The following KCNK10 variants were observed in gnomAD, a reference collection of about 807,000 sequenced individuals.
KCNK10 encodes the protein potassium two pore domain channel subfamily K member 10, also known as potassium channel subfamily K member 10.
A neutral mutation model predicts 47.7 loss-of-function variants in KCNK10; 25 were observed. The observed-to-expected ratio is 0.52, with a 90% CI of 0.38 to 0.73. KCNK10 has a LOEUF of 0.73. Among genes scored for constraint, KCNK10 ranks in the 30% least tolerant of loss-of-function variants. The pLI is 0.00. For synonymous variants in KCNK10, 303 were observed against 285.6 expected (o/e 1.06, Z -0.61); for missense variants, 563 against 714.5 (o/e 0.79, Z 2.42).
At chr14:88,239,756 G>T (rs1886398983) in intron 3 of KCNK10, among the ~76,000 whole-genome samples, 1 of 152,072 alleles carries the variant, frequency 6.6e-6, no homozygotes, top group Non-Finnish European at 1.5e-5. Context: ...CTACTCAGGA[G>T]AATGAGGCAA....
In KCNK10 at chr14:88,185,430, A is replaced by G. The variant is rs1173563146; in HGVS notation, c.*105T>C. 1 of 1,450,526 alleles carries G rather than the reference A, an allele frequency of 6.9e-7. No homozygotes were observed. Among genetic ancestry groups the G allele is most frequent in the African/African-American group, 1.4e-5 (1 of 70,402 alleles). 89.9% of individuals were successfully genotyped at this position (1,450,526 alleles called of 1,614,324 possible). A position where few individuals can be genotyped will look rare whatever the true frequency, so the allele number is the denominator to read the frequency against. On this transcript the variant is annotated 3_prime_UTR_variant, in exon 7 of 7. Transcript: ENST00000319231. The surrounding 1 kb of genome is among the most constrained non-coding windows in gnomAD (Gnocchi z 4.3). ...GAAATATATTCTTCAATGCTATGTA[A>G]TTTTGGACTAAAAAGTCTGTTTAAG...
chr14:88,289,701 C>T (rs189009056), intron 1 of KCNK10, among the ~76,000 whole-genome samples: 1 of 152,360 alleles, frequency 6.6e-6, no homozygotes, highest in Non-Finnish European at 1.5e-5. Flanking sequence ...TAGACCTGAG[C>T]TCATGTCCTT....
In KCNK10 at chr14:88,263,250, C is replaced by A. The variant is rs1318024324; in HGVS notation, c.354G>T (p.Leu118=). Residue 118 remains leucine, a synonymous_variant, in exon 2 of 7, where the codon CTG becomes CTT. Transcript: ENST00000319231. ...NTIALEKAEF[L]RDHVCVSPQE... is the part of the protein sequence containing the mutation. Reference sequence around the variant, plus strand: ...GGGGGCTCACACAGACATGATCCCGCAGGAATTCCGCCTTCTCCAAGGCGA... The same window carrying A: ...GGGGGCTCACACAGACATGATCCCGAAGGAATTCCGCCTTCTCCAAGGCGA... 6.2e-7 allele frequency: 1 copy of A among 1,614,218 alleles called. No homozygotes were observed. Among genetic ancestry groups the A allele is most frequent in the Non-Finnish European group, 8.5e-7 (1 of 1,180,038 alleles).
chr14:88,311,296 C>T (rs1423451182), intron 1 of KCNK10, among the ~76,000 whole-genome samples: 1 of 151,920 alleles, frequency 6.6e-6, no homozygotes, highest in East Asian at 1.9e-4. Flanking sequence ...TTGTGTCATC[C>T]TCCCACTTCA....
At chr14:88,236,905 G>A (rs965895797) in intron 3 of KCNK10, among the ~76,000 whole-genome samples, 1 of 152,156 alleles carries the variant, frequency 6.6e-6, no homozygotes, top group African/African-American at 2.4e-5. Flanking sequence ...GACTGATCAG[G>A]GCGGTGACTG....
rs754418591 is a variant in KCNK10, at chr14:88,227,516, C to T, written c.540G>A (p.Pro180=). ...ITTIGYGNIA[P]STEGGKIFCI... is the part of the protein sequence containing the mutation. ...AAAAGATTTTGCCTCCTTCAGTGCTCGGAGCAATATTCCCATACCCTGGTG... is the reference window on the plus strand; with the variant it reads ...AAAAGATTTTGCCTCCTTCAGTGCTTGGAGCAATATTCCCATACCCTGGTG... The change falls in exon 4 of 7, where the codon CCG becomes CCA. Residue 180 remains proline (P), a synonymous_variant. Coordinates refer to ENST00000319231, the MANE Select transcript of KCNK10 (RefSeq NM_138317.3). 14 of 1,609,286 alleles carry T rather than the reference C, an allele frequency of 8.7e-6. No homozygotes were observed. The highest frequency in any genetic ancestry group is 4.5e-5 in the East Asian group (2 of 44,828).
chr14:88,278,558 G>A (rs558034069), intron 1 of KCNK10, among the ~76,000 whole-genome samples: 1 of 152,316 alleles, frequency 6.6e-6, no homozygotes, highest in African/African-American at 2.4e-5. Context: ...AATGCTAAGT[G>A]TTGATGCAAG....
At chr14:88,324,797 A>G (rs1888627780), upstream of KCNK10, among the ~76,000 whole-genome samples, 1 of 152,166 alleles carries the variant, frequency 6.6e-6, no homozygotes, top group Non-Finnish European at 1.5e-5. Context: ...TGTCAGCAGC[A>G]TCTTTCTCAC....
At chr14:88,243,833 C>T (rs1249250736) in intron 2 of KCNK10, among the ~76,000 whole-genome samples, 1 of 150,810 alleles carries the variant, frequency 6.6e-6, no homozygotes, top group Non-Finnish European at 1.5e-5. Context: ...AGCGGCAATG[C>T]CCAAGTCTTT....
chr14:88,217,321 T>G (rs1251032288), intron 4 of KCNK10, among the ~76,000 whole-genome samples: 1 of 152,158 alleles, frequency 6.6e-6, no homozygotes, highest in African/African-American at 2.4e-5. Context: ...ATTGTGTCTT[T>G]TCTACACTAC....
intron 3 of KCNK10, among the ~76,000 whole-genome samples, chr14:88,228,694 C>G (rs1476561753): frequency 6.6e-6 from 1 of 152,150 alleles, no homozygotes; most frequent in Non-Finnish European, 1.5e-5. Context: ...CACAGGCCTG[C>G]AGAACTCACG....
In KCNK10 at chr14:88,322,740, C is replaced by T. The variant is rs761594433; in HGVS notation, c.52+7G>A. On this transcript the variant is annotated splice_region_variant and intron_variant, in intron 1 of 6. Coordinates refer to ENST00000319231, the MANE Select transcript of KCNK10 (RefSeq NM_138317.3). This position sits in a 1 kb window ranked among gnomAD's most constrained non-coding sequence, Gnocchi z 4.8. Reference sequence around the variant, plus strand: ...GGCGAGGGCAGCCAAAAGTAGGAAACACCCACCTTTAGGATCCCAGTTCAC... The same window carrying T: ...GGCGAGGGCAGCCAAAAGTAGGAAATACCCACCTTTAGGATCCCAGTTCAC... 17 of 1,614,142 alleles carry T rather than the reference C, an allele frequency of 1.1e-5. No homozygotes were observed. Among genetic ancestry groups the T allele is most frequent in the Non-Finnish European group, 1.4e-5 (16 of 1,179,998 alleles).
chr14:88,209,542 G>A (rs1442395082), intron 4 of KCNK10, among the ~76,000 whole-genome samples: 1 of 152,228 alleles, frequency 6.6e-6, no homozygotes, highest in Non-Finnish European at 1.5e-5. Context: ...TTTGCCTTTC[G>A]AAAGGGCTCG....
intron 1 of KCNK10, among the ~76,000 whole-genome samples, chr14:88,299,314 T>A (rs975116366): frequency 6.6e-6 from 1 of 152,238 alleles, no homozygotes; most frequent in Non-Finnish European, 1.5e-5. Flanking sequence ...AGATGGCTTA[T>A]CTAAAAGCTG....
chr14:88,204,845 T>C (rs1408614721), intron 4 of KCNK10, among the ~76,000 whole-genome samples: 1 of 152,174 alleles, frequency 6.6e-6, no homozygotes, highest in Non-Finnish European at 1.5e-5. Flanking sequence ...CAACATCCCA[T>C]GCCAGAGTAG....
rs1884359905 is a variant in KCNK10 at position 88,181,622 on chromosome 14, G to A, written c.*3913C>T. 6.6e-6 allele frequency: 1 copy of A among 152,214 alleles called. No homozygotes were observed. Among genetic ancestry groups the A allele is most frequent in the African/African-American group, 2.4e-5 (1 of 41,390 alleles). 9.4% of individuals were successfully genotyped at this position (152,214 alleles called of 1,614,324 possible). A position where few individuals can be genotyped will look rare whatever the true frequency, so the allele number is the denominator to read the frequency against. On this transcript the variant is annotated 3_prime_UTR_variant, in exon 7 of 7. Transcript: ENST00000319231. ...CACTAAAGAGCTATAAGGGAGGATA[G>A]AGAGAGCCTACACAGGGCATGATCC... is the stretch of plus-strand genomic sequence containing the variant.
chr14:88,180,810 G>C lies in KCNK10; in HGVS notation c.*4725C>G, dbSNP rs1884320569. 5.0e-6 allele frequency: 2 copies of C among 398,798 alleles called. No homozygotes were observed. The highest frequency in any genetic ancestry group is 7.1e-5 in the East Asian group (2 of 28,204). 24.7% of individuals were successfully genotyped at this position (398,798 alleles called of 1,614,324 possible). A position where few individuals can be genotyped will look rare whatever the true frequency, so the allele number is the denominator to read the frequency against. The stretch of plus-strand genomic sequence containing the variant: ...CCAATGAAGGTATGGTGCAGAGACA[G>C]AGGACAGGGCTTTGCTTACAGCCAT... On this transcript the variant is annotated 3_prime_UTR_variant, in exon 7 of 7. Coordinates refer to ENST00000319231, the MANE Select transcript of KCNK10 (RefSeq NM_138317.3).
intron 3 of KCNK10, among the ~76,000 whole-genome samples, chr14:88,237,146 G>A (rs1595097261): frequency 6.6e-6 from 1 of 152,316 alleles, no homozygotes; most frequent in East Asian, 1.9e-4. Flanking sequence ...TTTCAACAAT[G>A]TTCACAGCAT....
intron 1 of KCNK10, among the ~76,000 whole-genome samples, chr14:88,280,975 C>A: frequency 6.6e-6 from 1 of 150,768 alleles, no homozygotes; most frequent in East Asian, 1.9e-4. Context: ...AATGCAAGCC[C>A]CTTATCATGG....
Sources: allele counts gnomAD v4.1 joint callset (sites outside exome capture counted in the v4.1 genomes callset), GRCh38; gene constraint gnomAD v4.1.1; non-coding constraint Gnocchi (gnomAD v3.1); transcripts MANE v1.5; gene names NCBI Gene and HGNC (gene_info 2026-07-23, HGNC 2026-07-21).